ESRRG: variants seen among roughly 807,000 people sequenced by gnomAD.
ESRRG encodes estrogen-related receptor gamma.
Under a neutral mutation model 44.0 loss-of-function variants are expected in ESRRG, and 13 were observed. That is an observed-to-expected ratio of 0.30 (90% CI 0.19 to 0.47). ESRRG has a LOEUF of 0.47. Among genes scored for constraint, ESRRG ranks in the 20% least tolerant of loss-of-function variants. The pLI, the probability that ESRRG is intolerant of heterozygous loss-of-function variation, is 1.00. For missense variants in ESRRG, 395 were observed against 580.6 expected (o/e 0.68, Z 3.29); for synonymous variants, 215 against 214.6 (o/e 1.00, Z -0.02).
intron 2 of ESRRG, among the ~76,000 whole-genome samples, chr1:216,833,729 TA>T (rs1189595252): frequency 2.2e-4 from 33 of 152,338 alleles, no homozygotes; most frequent in African/African-American, 7.7e-4. Flanking sequence ...GCCCTCAGGC[TA>T]CCATATATCA....
At chr1:216,905,584 A>T (rs1392588355) in intron 2 of ESRRG, among the ~76,000 whole-genome samples, 2 of 152,126 alleles carry the variant, frequency 1.3e-5, no homozygotes, top group Non-Finnish European at 2.9e-5. Flanking sequence ...GAACACCTCC[A>T]CTAGACATTG....
At position 216,905,886 on chromosome 1, in the gene ESRRG, G is replaced by A. The variant is rs997089996; in HGVS notation, c.-14+33696C>T. ...TTGCCTCAGCCTCCTGAGTACCTGG[G>A]ACTACAGGCACATGCCACTACGCCC... On this transcript the variant is annotated intron_variant, in intron 2 of 7. Coordinates refer to the ESRRG transcript ENST00000359162. Among the ~76,000 whole-genome samples the A allele has an allele frequency of 2.6e-5, 4 of 152,168 alleles. No homozygotes were observed. The South Asian group carries it at 8.3e-4, about 32-fold the overall frequency.
At chr1:216,507,781 T>A (rs2041597725) in intron 6 of ESRRG, among the ~76,000 whole-genome samples, 1 of 152,224 alleles carries the variant, frequency 6.6e-6, no homozygotes, top group Admixed American at 6.5e-5. Flanking sequence ...CAGAGTCTAC[T>A]TCCCTGATGA....
chr1:216,952,917 C>T (rs11572470), intron 1 of ESRRG, among the ~76,000 whole-genome samples: 2,473 of 152,064 alleles, frequency 0.016, 31 homozygotes, highest in Non-Finnish European at 0.028. Context: ...CTCACTTCCA[C>T]GAATTCAACT....
intron 2 of ESRRG, among the ~76,000 whole-genome samples, chr1:216,866,420 G>A (rs2096160162): frequency 6.6e-6 from 1 of 151,816 alleles, no homozygotes; most frequent in Non-Finnish European, 1.5e-5. Context: ...TATTTTTTAG[G>A]GGAAAGCAAC....
chr1:217,077,159 G>A (rs2091377413), intron 1 of ESRRG, among the ~76,000 whole-genome samples: 1 of 152,164 alleles, frequency 6.6e-6, no homozygotes, highest in South Asian at 2.1e-4. Flanking sequence ...AGTGGTGGCT[G>A]AATCCATGGT....
chr1:216,670,781 A>T (rs552325201), intron 2 of ESRRG, among the ~76,000 whole-genome samples: 96 of 152,268 alleles, frequency 6.3e-4, no homozygotes, highest in African/African-American at 2.3e-3. Flanking sequence ...GGGTGTCCAC[A>T]CTATGTACAA....
At chr1:216,693,527 C>T (rs2079502849) in intron 1 of ESRRG, among the ~76,000 whole-genome samples, 1 of 152,178 alleles carries the variant, frequency 6.6e-6, no homozygotes, top group African/African-American at 2.4e-5. Flanking sequence ...ATGCTCAAGT[C>T]CCATATATAA....
At chr1:216,740,588 C>G (rs948601657) in intron 2 of ESRRG, among the ~76,000 whole-genome samples, 1 of 147,850 alleles carries the variant, frequency 6.8e-6, no homozygotes, top group African/African-American at 2.5e-5. Flanking sequence ...CAATTTTGGA[C>G]GAGAGAGATT....
intron 3 of ESRRG, among the ~76,000 whole-genome samples, chr1:216,636,944 C>G (rs1271244182): frequency 1.3e-5 from 2 of 152,178 alleles, no homozygotes; most frequent in Non-Finnish European, 1.5e-5. Context: ...TACTTTGTCA[C>G]CATTAGTGAA....
At chr1:216,560,625 G>T (rs888719691) in intron 5 of ESRRG, among the ~76,000 whole-genome samples, 1 of 152,142 alleles carries the variant, frequency 6.6e-6, no homozygotes, top group African/African-American at 2.4e-5. Flanking sequence ...CTGTTGGGCT[G>T]ATAATCGTCT....
chr1:216,863,876 T>C (rs1315638060), intron 2 of ESRRG: 3 of 152,204 alleles, frequency 2.0e-5, no homozygotes, highest in East Asian at 1.9e-4. Context: ...CTGTGCTCCT[T>C]GTCTCTACTG....
intron 2 of ESRRG, among the ~76,000 whole-genome samples, chr1:216,938,432 A>G (rs1210300265): frequency 1.3e-5 from 2 of 152,184 alleles, no homozygotes; most frequent in Non-Finnish European, 2.9e-5. Flanking sequence ...ACTCCATTTT[A>G]TGATAGTTCA....
intron 2 of ESRRG, among the ~76,000 whole-genome samples, chr1:216,830,082 G>C (rs1244608694): frequency 1.3e-5 from 2 of 152,160 alleles, no homozygotes; most frequent in Non-Finnish European, 2.9e-5. Flanking sequence ...TCTCCCTGCT[G>C]AAACTTTTAA....
intron 2 of ESRRG, among the ~76,000 whole-genome samples, chr1:216,787,318 A>C (rs558774702): frequency 6.6e-6 from 1 of 152,078 alleles, no homozygotes; most frequent in African/African-American, 2.4e-5. Context: ...AAAAACCCCA[A>C]AAAAGGCTGG....
chr1:216,917,864 G>A (rs2061380560), intron 2 of ESRRG, among the ~76,000 whole-genome samples: 1 of 152,202 alleles, frequency 6.6e-6, no homozygotes, highest in South Asian at 2.1e-4. Context: ...AATCATAGTA[G>A]TCTGGAGTTC....
intron 2 of ESRRG, among the ~76,000 whole-genome samples, chr1:216,905,115 G>C (rs1389590005): frequency 6.6e-6 from 1 of 152,122 alleles, no homozygotes; most frequent in Non-Finnish European, 1.5e-5. Flanking sequence ...TACAGGGACG[G>C]AACTTCAATA....
chr1:216,749,875 G>T (rs1271983047), intron 2 of ESRRG, among the ~76,000 whole-genome samples: 1 of 152,104 alleles, frequency 6.6e-6, no homozygotes, highest in African/African-American at 2.4e-5. Flanking sequence ...GTTAACAGAA[G>T]AATTTTTGCA....
Position 216,676,566 on chromosome 1 carries a change from T to C in ESRRG, c.472+510A>G, listed in dbSNP as rs150974656. ...ATTACCTGAAAATTTGTTAAAAATA[T>C]ACAATCTCAGGCAGGCCCCCACCCC... On this transcript the variant is annotated intron_variant, in intron 2 of 6. Transcript: ENST00000408911. 6.8e-3 allele frequency among the ~76,000 whole-genome samples: 1,028 copies of C among 152,294 alleles called. 9 individuals carry two copies. The highest frequency in any genetic ancestry group is 7.8e-3 in the Non-Finnish European group (533 of 68,024).
Sources: allele counts gnomAD v4.1 joint callset (sites outside exome capture counted in the v4.1 genomes callset), GRCh38; gene constraint gnomAD v4.1.1; transcripts MANE v1.5; gene names NCBI Gene and HGNC (gene_info 2026-07-23, HGNC 2026-07-21).